Variants in MPDZ observed in about 807,000 individuals in gnomAD.
MPDZ encodes multiple PDZ domain protein.
In MPDZ, 234 loss-of-function variants were observed where a neutral mutation model predicts 239.1. The observed-to-expected ratio is 0.98, with a 90% CI of 0.88 to 1.09. The LOEUF (loss-of-function observed/expected upper bound fraction) is 1.09. Among genes scored for constraint, MPDZ ranks in the 50% least tolerant of loss-of-function variants. The probability of loss-of-function intolerance (pLI) is 0.00; values close to 1 mark genes in which losing one functional copy is unlikely to be tolerated. For synonymous variants in MPDZ, 1,048 were observed against 881.3 expected (o/e 1.19, Z -3.35); for missense variants, 3,175 against 2,510.0 (o/e 1.26, Z -5.66).
intron 34 of MPDZ, 114 bp downstream of exon 34, chr9:13,126,402 G>C (rs766889520): frequency 5.1e-6 from 3 of 585,014 alleles, no homozygotes; most frequent in Non-Finnish European, 8.5e-6. Flanking sequence ...TTTTCCTTAA[G>C]AACATGTCTA....
At chr9:13,197,610 T>G (rs899928522) in intron 12 of MPDZ, among the ~76,000 whole-genome samples, 1 of 152,150 alleles carries the variant, frequency 6.6e-6, no homozygotes, top group Admixed American at 6.6e-5. Flanking sequence ...TTTGTGTGTG[T>G]TGGGAACATT....
At position 13,126,709 on chromosome 9, in the gene MPDZ, T is replaced by A. The variant is rs1309539008; in HGVS notation, c.4528A>T (p.Ser1510Cys). 1 of 1,613,782 alleles carries A rather than the reference T, an allele frequency of 6.2e-7. No individual in the cohort carries two copies. The highest frequency in any genetic ancestry group is 8.5e-7 in the Non-Finnish European group (1 of 1,179,836). Residue 1510 changes from serine to cysteine, a missense_variant, in exon 33 of 47, where the codon AGC becomes TGC. Coordinates refer to ENST00000319217, the MANE Select transcript of MPDZ (RefSeq NM_001378778.1). The part of the protein sequence containing the change: ...EDTLSGVIIK[S>C]LTEHGVAATD... ...GCTGCTACCCCATGCTCTGTTAAGCTCTTTATGATGACTCCACTGAGTGTA... is the reference window on the plus strand; with the variant it reads ...GCTGCTACCCCATGCTCTGTTAAGCACTTTATGATGACTCCACTGAGTGTA...
At chr9:13,204,836 T>C (rs529404734) in intron 12 of MPDZ, among the ~76,000 whole-genome samples, 200 bp downstream of exon 12, 32 of 152,232 alleles carry the variant, frequency 2.1e-4, no homozygotes, top group African/African-American at 7.2e-4. Context: ...TAAACAAAAG[T>C]ATAATTTAGC....
chr9:13,229,081 A>C (rs552692361), intron 3 of MPDZ, among the ~76,000 whole-genome samples: 1 of 152,302 alleles, frequency 6.6e-6, no homozygotes, highest in East Asian at 1.9e-4. Flanking sequence ...AGTAGCATCC[A>C]AGAAAACATA....
chr9:13,229,552 G>A (rs7863888), intron 3 of MPDZ, among the ~76,000 whole-genome samples: 61,815 of 149,110 alleles, frequency 0.41, 14,423 homozygotes, highest in African/African-American at 0.64. Context: ...TGACAACCTA[G>A]ATTTTTCATG....
chr9:13,116,412 A>C (rs557019557), intron 39 of MPDZ, among the ~76,000 whole-genome samples: 1 of 152,330 alleles, frequency 6.6e-6, no homozygotes, highest in South Asian at 2.1e-4. Context: ...AGAATGGAGT[A>C]AGATTAATAT....
intron 19 of MPDZ, among the ~76,000 whole-genome samples, chr9:13,177,698 C>G (rs759185791): frequency 5.3e-5 from 8 of 152,082 alleles, no homozygotes; most frequent in Non-Finnish European, 8.8e-5. Context: ...GAGTTCAAAT[C>G]CTGGCTCAAC....
At chr9:13,178,402 G>A (rs1297583265) in intron 19 of MPDZ, among the ~76,000 whole-genome samples, 1 of 152,030 alleles carries the variant, frequency 6.6e-6, no homozygotes, top group African/African-American at 2.4e-5. Flanking sequence ...AAATATTAGT[G>A]TATTACTATG....
intron 36 of MPDZ, among the ~76,000 whole-genome samples, chr9:13,122,802 C>G (rs1399375421): frequency 6.6e-6 from 1 of 152,162 alleles, no homozygotes; most frequent in African/African-American, 2.4e-5. Flanking sequence ...CAGGCATGAG[C>G]CACTGCACCT....
At chr9:13,202,907 T>G (rs1454523071) in intron 12 of MPDZ, among the ~76,000 whole-genome samples, 1 of 152,270 alleles carries the variant, frequency 6.6e-6, no homozygotes, top group Admixed American at 6.5e-5. Flanking sequence ...TAGTTTCCAG[T>G]TGTATGTATA....
At chr9:13,155,276 T>TA (rs1240778770) in intron 24 of MPDZ, among the ~76,000 whole-genome samples, 1 of 151,974 alleles carries the variant, frequency 6.6e-6, no homozygotes, top group Non-Finnish European at 1.5e-5. Context: ...CAACTGAAAG[T>TA]AAAAAATGCA....
chr9:13,235,109 T>C (rs1490890649), intron 3 of MPDZ, among the ~76,000 whole-genome samples: 2 of 152,144 alleles, frequency 1.3e-5, no homozygotes, highest in African/African-American at 4.8e-5. Context: ...ACAGCTCTGA[T>C]GCATTATTGA....
At position 13,231,355 on chromosome 9, in the gene MPDZ, C is replaced by T. The variant is rs560008668; in HGVS notation, c.184-6772G>A. 3.0e-3 allele frequency among the ~76,000 whole-genome samples: 450 copies of T among 152,090 alleles called. 2 individuals carry two copies. The highest frequency in any genetic ancestry group is 4.9e-3 in the Non-Finnish European group (335 of 67,988). The stretch of plus-strand genomic sequence containing the variant: ...CCGAGGTGGGTGGACTACTTGAGGC[C>T]AGGAGTTCGAGACCAGCCTGGCCAA... On this transcript the variant is annotated intron_variant, in intron 3 of 46. Transcript: ENST00000319217.
chr9:13,201,353 ATTT>A (rs71331529), intron 12 of MPDZ, among the ~76,000 whole-genome samples: 1 of 146,548 alleles, frequency 6.8e-6, no homozygotes, highest in Non-Finnish European at 1.5e-5. Context: ...TGCTTTCAGT[ATTT>A]TTTTTTTTAT....
chr9:13,196,257 G>C, intron 12 of MPDZ, 27 bp from the exon 13 acceptor site: 1 of 1,470,194 alleles, frequency 6.8e-7, no homozygotes, highest in Non-Finnish European at 9.4e-7. Context: ...AATTAAGTTA[G>C]CAGCAAACTA....
chr9:13,250,719 C>T (rs556542972), intron 1 of MPDZ, among the ~76,000 whole-genome samples: 1 of 151,656 alleles, frequency 6.6e-6, no homozygotes, highest in African/African-American at 2.4e-5. Flanking sequence ...GAATAAGGAG[C>T]TTACTTAACT....
intron 29 of MPDZ, among the ~76,000 whole-genome samples, chr9:13,137,011 C>T (rs72706358): frequency 0.063 from 9,649 of 152,066 alleles, 413 homozygotes; most frequent in Middle Eastern, 0.12. Context: ...TAAAATAATG[C>T]AAATGAAGTC....
chr9:13,239,634 A>G (rs1588045595), intron 3 of MPDZ, among the ~76,000 whole-genome samples: 2 of 152,168 alleles, frequency 1.3e-5, no homozygotes, highest in East Asian at 3.9e-4. Context: ...TAAATAATGA[A>G]TGACAGTTTT....
At chr9:13,188,418 G>C (rs1236278790) in intron 17 of MPDZ, among the ~76,000 whole-genome samples, 1 of 151,952 alleles carries the variant, frequency 6.6e-6, no homozygotes, top group African/African-American at 2.4e-5. Flanking sequence ...GGAGGTCTTA[G>C]GAGGCAGGAG....
Sources: allele counts gnomAD v4.1 joint callset (sites outside exome capture counted in the v4.1 genomes callset), GRCh38; gene constraint gnomAD v4.1.1; transcripts MANE v1.5; gene names NCBI Gene and HGNC (gene_info 2026-07-23, HGNC 2026-07-21).